The following CALHM6 variants were observed in gnomAD, a reference collection of about 807,000 sequenced individuals.
CALHM6 encodes the protein calcium homeostasis modulator protein 6.
A neutral mutation model predicts 12.7 loss-of-function variants in CALHM6; 15 were observed. The observed-to-expected ratio is 1.18, with a 90% CI of 0.79 to 1.82. The LOEUF is 1.82. CALHM6 is among the 40% of genes most tolerant of loss of function. The pLI, the probability that CALHM6 is intolerant of heterozygous loss-of-function variation, is 0.00. For missense variants in CALHM6, 434 were observed against 421.0 expected, an observed-to-expected ratio of 1.03 and a Z score of -0.27; for synonymous variants, 212 against 193.7, an observed-to-expected ratio of 1.09 and a Z score of -0.78.
exon 3 of CALHM6, chr6:116,463,758 AATAAACATTGGTATTTT>A: frequency 7.3e-7 from 1 of 1,377,950 alleles, no homozygotes; most frequent in Non-Finnish European, 9.7e-7. Context: ...TTTATTAAAA[AATAAACATTGGTATTTT>A]TTGAGTGCTT....
rs762709195 is a variant in CALHM6, at chr6:116,461,964, TCAAGCACCACAGCGCC to T, written c.36_51del (p.Lys13TrpfsTer6). 6.3e-5 allele frequency: 97 copies of T among 1,543,340 alleles called. 1 individual carries two copies. Among genetic ancestry groups the T allele is most frequent in the Non-Finnish European group, 1.8e-6 (2 of 1,142,376 alleles). ...TTTCGGGCGGTGCTGGACCTGCACGTCAAGCACCACAGCGCCTTGGGCTACGGCCTGGTGACCCTGC... is the reference window on the plus strand; with the variant it reads ...TTTCGGGCGGTGCTGGACCTGCACGTTTGGGCTACGGCCTGGTGACCCTGC... On this transcript the variant is annotated frameshift_variant, in exon 2 of 3. Coordinates refer to ENST00000368605, the MANE Select transcript of CALHM6 (RefSeq NM_001010919.3). LOFTEE classifies it high-confidence loss of function.
rs139190180 is a variant in CALHM6 at position 116,462,042 on chromosome 6, C to T, written c.113C>T (p.Ala38Val). Residue 38 changes from alanine to valine, a missense_variant, in exon 2 of 3, where the codon GCA becomes GTA. Physicochemically the swap from Ala to Val is moderately conservative, Grantham distance 64 (BLOSUM62 0). Transcript: ENST00000368605. Reference sequence around the variant, plus strand: ...GGGGAGCGCATCTTCTCCGCCGTGGCATTCCAGTGCCCGTGCAGCGCCGCC... The same window carrying T: ...GGGGAGCGCATCTTCTCCGCCGTGGTATTCCAGTGCCCGTGCAGCGCCGCC... ...AGGERIFSAV[A>V]FQCPCSAAWN... 2.6e-6 allele frequency: 4 copies of T among 1,548,442 alleles called. No individual in the cohort carries two copies. Among genetic ancestry groups the T allele is most frequent in the Non-Finnish European group, 3.5e-6 (4 of 1,146,400 alleles).
chr6:116,461,994 T>C lies in CALHM6; in HGVS notation c.65T>C (p.Leu22Pro). 4.5e-6 allele frequency: 7 copies of C among 1,548,720 alleles called. No individual in the cohort carries two copies. The highest frequency in any genetic ancestry group is 5.2e-6 in the Non-Finnish European group (6 of 1,145,912). The stretch of plus-strand genomic sequence containing the variant: ...CACCACAGCGCCTTGGGCTACGGCC[T>C]GGTGACCCTGCTGACGGCGGGCGGG... ...VKHHSALGYG[L>P]VTLLTAGGER... Residue 22 changes from leucine (L) to proline (P), a missense_variant, in exon 2 of 3, where the codon CTG becomes CCG. Physicochemically the swap from Leu to Pro is moderately conservative, Grantham distance 98 (BLOSUM62 -3). Transcript: ENST00000368605.
At chr6:116,463,196 C>T (rs990411206) in intron 2 of CALHM6, 87 bp from the exon 3 acceptor site, 2 of 1,277,582 alleles carry the variant, frequency 1.6e-6, no homozygotes, top group East Asian at 2.3e-5. Flanking sequence ...TCATAACTGG[C>T]GAGTAGTTGA....
At position 116,463,397 on chromosome 6, in the gene CALHM6, T is replaced by G; in HGVS notation, c.640T>G (p.Leu214Val). The change falls in exon 3 of 3, where the codon TTG (leucine) becomes GTG (valine). Residue 214 changes from leucine (L) to valine (V), a missense_variant. Transcript: ENST00000368605. ...FLQLKFWKIY[L>V]EQEQQILKSK... ...GCAGCTGAAATTCTGGAAAATCTAT[T>G]TGGAACAGGAGCAGCAGATCCTTAA... 6.2e-7 allele frequency: 1 copy of G among 1,614,122 alleles called. No individual in the cohort carries two copies. The highest frequency in any genetic ancestry group is 8.5e-7 in the Non-Finnish European group (1 of 1,180,016).
At chr6:116,462,515 G>A in intron 2 of CALHM6, 61 bp downstream of exon 2, 1 of 1,259,364 alleles carries the variant, frequency 7.9e-7, no homozygotes, top group Non-Finnish European at 1.1e-6. Flanking sequence ...TCTCAGGGCC[G>A]CTGGGGTGAG....
At chr6:116,461,792 T>G in intron 1 of CALHM6, 80 bp from the exon 2 acceptor site, 1 of 745,760 alleles carries the variant, frequency 1.3e-6, no homozygotes, top group Non-Finnish European at 1.8e-6. Context: ...CTCTTCCCTT[T>G]AAAAAAAAAA....
chr6:116,461,791 T>TAAAAAA, intron 1 of CALHM6, 81 bp from the exon 2 acceptor site: 2 of 541,392 alleles, frequency 3.7e-6, no homozygotes, highest in South Asian at 3.7e-5. Context: ...CCTCTTCCCT[T>TAAAAAA]TAAAAAAAAA....
chr6:116,463,417 C>T lies in CALHM6; in HGVS notation c.660C>T (p.Ile220=), dbSNP rs1270058716. The T allele has an allele frequency of 6.2e-7, 1 of 1,614,078 alleles. No individual in the cohort carries two copies. The highest frequency in any genetic ancestry group is 8.5e-7 in the Non-Finnish European group (1 of 1,180,018). The change falls in exon 3 of 3, where the codon ATC becomes ATT. Residue 220 remains isoleucine (I), a synonymous_variant. Transcript: ENST00000368605. The stretch of plus-strand genomic sequence containing the variant: ...TCTATTTGGAACAGGAGCAGCAGAT[C>T]CTTAAAAGTAAAGCCACAGAGCATG... The part of the protein sequence containing the change: ...WKIYLEQEQQ[I]LKSKATEHAT...
rs368837964 is a variant in CALHM6, at chr6:116,463,374, A to G, written c.617A>G (p.Gln206Arg). 1 of 1,614,130 alleles carries G rather than the reference A, an allele frequency of 6.2e-7. No individual in the cohort carries two copies. Among genetic ancestry groups the G allele is most frequent in the South Asian group, 1.1e-5 (1 of 91,090 alleles). The change falls in exon 3 of 3, where the codon CAG becomes CGG. Residue 206 changes from glutamine (Q) to arginine (R), a missense_variant. By Grantham distance (43) the Gln-to-Arg change is conservative (BLOSUM62 1). Coordinates refer to ENST00000368605, the MANE Select transcript of CALHM6 (RefSeq NM_001010919.3). ...TRCLSPVSFL[Q>R]LKFWKIYLEQ... ...TGCCTATCTCCAGTTAGTTTTCTGC[A>G]GCTGAAATTCTGGAAAATCTATTTG...
chr6:116,462,748 G>A (rs1784806972), intron 2 of CALHM6, among the ~76,000 whole-genome samples: 1 of 152,136 alleles, frequency 6.6e-6, no homozygotes, highest in Non-Finnish European at 1.5e-5. Context: ...TTGACCTCCT[G>A]CATTATTTTT....
At chr6:116,462,889 A>G (rs543134241) in intron 2 of CALHM6, among the ~76,000 whole-genome samples, 24 of 152,216 alleles carry the variant, frequency 1.6e-4, no homozygotes, top group Non-Finnish European at 3.1e-4. Flanking sequence ...AGAAAGCAGA[A>G]TTGTTAGAAT....
chr6:116,463,599 A>G lies in CALHM6; in HGVS notation c.842A>G (p.Asn281Ser), dbSNP rs781733875. The change falls in exon 3 of 3, where the codon AAC becomes AGC. Residue 281 changes from asparagine to serine, a missense_variant. By Grantham distance (46) the Asn-to-Ser change is conservative. Transcript: ENST00000368605. ...QYYSMLHKYV[N>S]RKEKTHSIRS... is the part of the protein sequence containing the mutation. The stretch of plus-strand genomic sequence containing the variant: ...TACAGCATGTTGCACAAATATGTCA[A>G]CAGAAAAGAGAAGACTCACAGTATC... The G allele has an allele frequency of 2.5e-6, 4 of 1,614,208 alleles. No individual in the cohort carries two copies. The highest frequency in any genetic ancestry group is 2.2e-5 in the East Asian group (1 of 44,878).
chr6:116,463,669 A>G lies in CALHM6; in HGVS notation c.912A>G (p.Val304=), dbSNP rs371189252. 5 of 1,612,672 alleles carry G rather than the reference A, an allele frequency of 3.1e-6. No homozygotes were observed. The African/African-American group carries it at 5.3e-5, about 17-fold the overall frequency. ...CGGTGATTCCTGTTCTTGGCTTTGT[A>G]GATTCATCTGGTATAAACAGCACTC... is the stretch of plus-strand genomic sequence containing the variant. ...GDTVIPVLGF[V]DSSGINSTPE... is the part of the protein sequence containing the mutation. Residue 304 remains valine (V), a synonymous_variant, in exon 3 of 3, where the codon GTA becomes GTG. Coordinates refer to ENST00000368605, the MANE Select transcript of CALHM6 (RefSeq NM_001010919.3).
rs1322485375 is a variant in CALHM6 at position 116,462,461 on chromosome 6, C to T, written c.525+7C>T. 6.7e-7 allele frequency: 1 copy of T among 1,489,628 alleles called. No homozygotes were observed. Among genetic ancestry groups the T allele is most frequent in the East Asian group, 2.9e-5 (1 of 34,188 alleles). The allele number at this position is 1,489,628 out of a possible 1,614,324, so 92.3% of individuals were successfully genotyped here. On this transcript the variant is annotated splice_region_variant and intron_variant, in intron 2 of 2. Transcript: ENST00000368605. The stretch of plus-strand genomic sequence containing the variant: ...TCTGAAGGCTCAGTCGCAGGTCTGC[C>T]GCTGGCGCTGGGGGCGTTTGGGAGG...
rs570204922 is a variant in CALHM6 at position 116,462,130 on chromosome 6, C to A, written c.201C>A (p.Gly67=). Residue 67 remains glycine, a synonymous_variant, in exon 2 of 3, where the codon GGC becomes GGA. Coordinates refer to ENST00000368605, the MANE Select transcript of CALHM6 (RefSeq NM_001010919.3). ...CGGCGCTCGCGCTCTTCCTCCTGGG[C>A]TACGTGCTGAGCGCACGCACGTGGC... ...LVPALALFLL[G]YVLSARTWRL... is the part of the protein sequence containing the mutation. 16 of 1,535,564 alleles carry A rather than the reference C, an allele frequency of 1.0e-5. No individual in the cohort carries two copies. The highest frequency in any genetic ancestry group is 1.2e-5 in the Non-Finnish European group (14 of 1,142,990).
At chr6:116,461,830 A>G in intron 1 of CALHM6, 42 bp from the exon 2 acceptor site, 1 of 1,196,716 alleles carries the variant, frequency 8.4e-7, no homozygotes, top group Non-Finnish European at 1.1e-6. Context: ...CGCAGAGTGG[A>G]AAGCCCCGGT....
rs1444254696 is a variant in CALHM6, at chr6:116,462,214, C to T, written c.285C>T (p.Gly95=). The T allele has an allele frequency of 4.2e-6, 6 of 1,442,828 alleles. No homozygotes were observed. Among genetic ancestry groups the T allele is most frequent in the African/African-American group, 1.5e-5 (1 of 67,550 alleles). 89.4% of individuals were successfully genotyped at this position (1,442,828 alleles called of 1,614,324 possible). The change falls in exon 2 of 3, where the codon GGC becomes GGT. Residue 95 remains glycine (G), a synonymous_variant. Transcript: ENST00000368605. ...ARASCGSALR[G]SLVCTQISAA... ...CGAGTTGCGGATCGGCGCTGCGCGGCTCCCTGGTGTGCACGCAAATCAGCG... is the reference window on the plus strand; with the variant it reads ...CGAGTTGCGGATCGGCGCTGCGCGGTTCCCTGGTGTGCACGCAAATCAGCG...
In CALHM6 at chr6:116,463,759, A is replaced by G; in HGVS notation, c.*54A>G. 2 of 1,373,980 alleles carry G rather than the reference A, an allele frequency of 1.5e-6. No homozygotes were observed. The highest frequency in any genetic ancestry group is 2.0e-6 in the Non-Finnish European group (2 of 1,024,346). 85.1% of individuals were successfully genotyped at this position (1,373,980 alleles called of 1,614,324 possible). A position where few individuals can be genotyped will look rare whatever the true frequency, so the allele number is the denominator to read the frequency against. The stretch of plus-strand genomic sequence containing the variant: ...TTTTGAATTATTGCTTTATTAAAAA[A>G]TAAACATTGGTATTTTTTGAGTGCT... On this transcript the variant is annotated 3_prime_UTR_variant, in exon 3 of 3. Transcript: ENST00000368605.
Sources: gnomAD v4.1 joint callset for allele counts (sites outside exome capture counted in the v4.1 genomes callset) on GRCh38, gnomAD v4.1.1 for gene constraint, MANE v1.5 for transcripts, NCBI Gene and HGNC (gene_info 2026-07-23, HGNC 2026-07-21) for gene names.